VANGL1: variants seen among roughly 807,000 people sequenced by gnomAD.
The protein encoded by VANGL1 is vang-like protein 1.
A neutral mutation model predicts 48.4 loss-of-function variants in VANGL1; 18 were observed. The observed-to-expected ratio is 0.37, with a 90% CI of 0.26 to 0.55. The LOEUF is 0.55. VANGL1 is among the 20% of genes least tolerant of loss of function. The pLI is 0.81. For missense variants in VANGL1, 667 were observed against 675.8 expected, an observed-to-expected ratio of 0.99 and a Z score of 0.14; for synonymous variants, 257 against 261.8, an observed-to-expected ratio of 0.98 and a Z score of 0.18.
chr1:115,673,354 C>T (rs1222169446), intron 4 of VANGL1, among the ~76,000 whole-genome samples: 1 of 152,148 alleles, frequency 6.6e-6, no homozygotes, highest in East Asian at 1.9e-4. Flanking sequence ...TTTCCTAAGG[C>T]TGAAGTAATA....
At position 115,693,522 on chromosome 1, in the gene VANGL1, A is replaced by G. The variant is rs1161922430; in HGVS notation, c.*2143A>G. The G allele has an allele frequency of 6.6e-6, 1 of 152,476 alleles. No individual in the cohort carries two copies. Among genetic ancestry groups the G allele is most frequent in the Non-Finnish European group, 1.5e-5 (1 of 68,044 alleles). The allele number at this position is 152,476 out of a possible 1,614,324, so 9.4% of individuals were successfully genotyped here. ...GGTGAAGAAAGGTTTAAATTAAAGAATTTATTTTCTCTCTCCCCCTTCCTC... is the reference window on the plus strand; with the variant it reads ...GGTGAAGAAAGGTTTAAATTAAAGAGTTTATTTTCTCTCTCCCCCTTCCTC... On this transcript the variant is annotated 3_prime_UTR_variant, in exon 8 of 8. Transcript: ENST00000355485.
At chr1:115,684,204 T>C in intron 6 of VANGL1, 128 bp downstream of exon 6, 7 of 1,041,888 alleles carry the variant, frequency 6.7e-6, no homozygotes, top group Non-Finnish European at 8.8e-6. Context: ...AGTGGCAAGA[T>C]CTTGGCTCAC....
At chr1:115,646,258 C>T (rs1651909326) in intron 1 of VANGL1, among the ~76,000 whole-genome samples, 1 of 152,136 alleles carries the variant, frequency 6.6e-6, no homozygotes, top group African/African-American at 2.4e-5. Flanking sequence ...ACCTATCTCC[C>T]ATTGTTGACC....
rs1350193285 is a variant in VANGL1, at chr1:115,691,997, C to T, written c.*618C>T. 1 of 152,988 alleles carries T rather than the reference C, an allele frequency of 6.5e-6. No individual in the cohort carries two copies. The highest frequency in any genetic ancestry group is 3.2e-3 in the Middle Eastern group (1 of 316). The allele number at this position is 152,988 out of a possible 1,614,324, so 9.5% of individuals were successfully genotyped here. A position where few individuals can be genotyped will look rare whatever the true frequency, so the allele number is the denominator to read the frequency against. On this transcript the variant is annotated 3_prime_UTR_variant, in exon 8 of 8. Coordinates refer to ENST00000355485, the MANE Select transcript of VANGL1 (RefSeq NM_138959.3). Reference sequence around the variant, plus strand: ...TTTGTTTTTTTCCCAAAGAGAAAACCTACCTGCCCTGTTTCTGATCCCACC... The same window carrying T: ...TTTGTTTTTTTCCCAAAGAGAAAACTTACCTGCCCTGTTTCTGATCCCACC...
At chr1:115,682,934 G>A (rs1653445950) in intron 5 of VANGL1, among the ~76,000 whole-genome samples, 1 of 152,194 alleles carries the variant, frequency 6.6e-6, no homozygotes, top group Non-Finnish European at 1.5e-5. Flanking sequence ...GGAGTTGAGT[G>A]GGTGGCAGGA....
intron 3 of VANGL1, among the ~76,000 whole-genome samples, chr1:115,663,246 C>T (rs1020085619): frequency 1.3e-5 from 2 of 152,108 alleles, no homozygotes; most frequent in African/African-American, 4.8e-5. Flanking sequence ...TATAACCCAG[C>T]GTGAATTGGA....
chr1:115,650,036 G>T (rs1652084380), intron 1 of VANGL1, among the ~76,000 whole-genome samples: 1 of 152,200 alleles, frequency 6.6e-6, no homozygotes, highest in Non-Finnish European at 1.5e-5. Context: ...CTCCCAGGAA[G>T]AATGAATGGT....
At chr1:115,683,160 ATTTT>A in intron 5 of VANGL1, among the ~76,000 whole-genome samples, 1 of 151,636 alleles carries the variant, frequency 6.6e-6, no homozygotes, top group South Asian at 2.1e-4. Context: ...TTGTTTGTTC[ATTTT>A]TTTTTGGCTA....
At chr1:115,649,761 G>A (rs61453587) in intron 1 of VANGL1, among the ~76,000 whole-genome samples, 24,513 of 152,164 alleles carry the variant, frequency 0.16, 2,306 homozygotes, top group South Asian at 0.34. Flanking sequence ...TGGAAACTGT[G>A]TCTGCTTATA....
intron 3 of VANGL1, 125 bp downstream of exon 3, chr1:115,659,898 T>C (rs997476635): frequency 7.6e-7 from 1 of 1,321,852 alleles, no homozygotes; most frequent in Non-Finnish European, 1.1e-6. Flanking sequence ...AGTTTATCTA[T>C]GTCCCATGGT....
rs1169731226 is a variant in VANGL1, at chr1:115,696,022, A to G, written c.*4643A>G. On this transcript the variant is annotated 3_prime_UTR_variant, in exon 8 of 8. Coordinates refer to ENST00000355485, the MANE Select transcript of VANGL1 (RefSeq NM_138959.3). ...GCAAATATCTTAGGATATTTGATGGAAAGAACTTGAGAATCCCTTCTGGAA... is the reference window on the plus strand; with the variant it reads ...GCAAATATCTTAGGATATTTGATGGGAAGAACTTGAGAATCCCTTCTGGAA... 1 of 152,232 alleles carries G rather than the reference A, an allele frequency of 6.6e-6. No individual in the cohort carries two copies. The highest frequency in any genetic ancestry group is 1.9e-4 in the East Asian group (1 of 5,196). The allele number at this position is 152,232 out of a possible 1,614,324, so 9.4% of individuals were successfully genotyped here.
At position 115,682,241 on chromosome 1, in the gene VANGL1, A is replaced by G. The variant is rs1570769784; in HGVS notation, c.813-123A>G. 6.6e-6 allele frequency: 9 copies of G among 1,355,850 alleles called. No individual in the cohort carries two copies. In the East Asian group the frequency reaches 1.8e-4, roughly 26 times the overall value. The allele number at this position is 1,355,850 out of a possible 1,614,324, so 84.0% of individuals were successfully genotyped here. Reference sequence around the variant, plus strand: ...CCAGAAGTGTGGTGGAACCCAGTGGACTTCTGTATGAGATTATCTTTGATG... The same window carrying G: ...CCAGAAGTGTGGTGGAACCCAGTGGGCTTCTGTATGAGATTATCTTTGATG... On this transcript the variant is annotated intron_variant, in intron 4 of 7. Transcript: ENST00000355485.
chr1:115,662,041 G>A (rs1331173478), intron 3 of VANGL1, among the ~76,000 whole-genome samples: 1 of 152,078 alleles, frequency 6.6e-6, no homozygotes, highest in African/African-American at 2.4e-5. Flanking sequence ...ACTGTACCAC[G>A]GTCCACTTCC....
At chr1:115,648,932 C>T (rs1000128227) in intron 1 of VANGL1, among the ~76,000 whole-genome samples, 4 of 152,108 alleles carry the variant, frequency 2.6e-5, no homozygotes, top group African/African-American at 4.8e-5. Context: ...AGTGGGAAAT[C>T]GGTGTTCTGG....
Position 115,691,166 on chromosome 1 carries a change from C to A in VANGL1, c.1362C>A (p.Asp454Glu). 1 of 1,614,130 alleles carries A rather than the reference C, an allele frequency of 6.2e-7. No homozygotes were observed. Among genetic ancestry groups the A allele is most frequent in the Non-Finnish European group, 8.5e-7 (1 of 1,180,032 alleles). ...GTGCGGGCCCCACCCTGCAATATGA[C>A]AAGGACCGCTGGCTCTCTACACAGT... ...YLSAGPTLQY[D>E]KDRWLSTQWR... Residue 454 changes from aspartate to glutamate, a missense_variant, in exon 8 of 8, where the codon GAC (aspartate) becomes GAA (glutamate). By Grantham distance (45) the Asp-to-Glu change is conservative (BLOSUM62 2). Coordinates refer to ENST00000355485, the MANE Select transcript of VANGL1 (RefSeq NM_138959.3).
Position 115,684,048 on chromosome 1 carries a change from G to A in VANGL1, c.1051G>A (p.Glu351Lys). 2 of 1,614,040 alleles carry A rather than the reference G, an allele frequency of 1.2e-6. No individual in the cohort carries two copies. Among genetic ancestry groups the A allele is most frequent in the Non-Finnish European group, 1.7e-6 (2 of 1,179,954 alleles). The change falls in exon 6 of 8, where the codon GAA (glutamate) becomes AAA (lysine). Residue 351 changes from glutamate (E) to lysine (K), a missense_variant. Physicochemically the swap from Glu to Lys is moderately conservative, Grantham distance 56. Transcript: ENST00000355485. ...NELYYEEAEHERRVKKRKARL... is the reference protein window; with the variant it reads ...NELYYEEAEHKRRVKKRKARL... ...GTTGTATTATGAAGAGGCCGAACAT[G>A]AACGGCGAGTAAAGAAGCGGAAAGC...
intron 4 of VANGL1, among the ~76,000 whole-genome samples, chr1:115,665,756 C>T (rs1280451146): frequency 6.6e-6 from 1 of 152,224 alleles, no homozygotes; most frequent in Non-Finnish European, 1.5e-5. Flanking sequence ...AAGTAGGTCA[C>T]CGCTTTGCTG....
In VANGL1 at chr1:115,688,830, C is replaced by T. The variant is rs1484001455; in HGVS notation, c.1315-2289C>T. Among the ~76,000 whole-genome samples, 31 of 132,514 alleles carry T rather than the reference C, an allele frequency of 2.3e-4. 4 individuals are homozygous for T. Among genetic ancestry groups the T allele is most frequent in the Non-Finnish European group, 4.7e-4 (29 of 61,494 alleles). The allele number at this position is 132,514 out of a possible 152,430, so 86.9% of individuals were successfully genotyped here. Reference sequence around the variant, plus strand: ...TTTGAGACGGAGTCTCACTCTGTCACCCAGGATGGAGTGCAGTGGCACGAT... The same window carrying T: ...TTTGAGACGGAGTCTCACTCTGTCATCCAGGATGGAGTGCAGTGGCACGAT... On this transcript the variant is annotated intron_variant, in intron 7 of 7. Transcript: ENST00000355485.
At chr1:115,681,597 C>T (rs1352147937) in intron 4 of VANGL1, among the ~76,000 whole-genome samples, 1 of 151,370 alleles carries the variant, frequency 6.6e-6, no homozygotes, top group Non-Finnish European at 1.5e-5. Context: ...ACCTCCGCCT[C>T]CTGGGTTCAA....
Sources: gnomAD v4.1 joint callset for allele counts (sites outside exome capture counted in the v4.1 genomes callset) on GRCh38, gnomAD v4.1.1 for gene constraint, MANE v1.5 for transcripts, NCBI Gene and HGNC (gene_info 2026-07-23, HGNC 2026-07-21) for gene names.